The following ZMYM2 variants were observed in gnomAD, a reference collection of about 807,000 sequenced individuals.
ZMYM2 encodes zinc finger MYM-type containing 2.
ZMYM2 carries 56 observed loss-of-function variants against 162.8 expected under a neutral mutation model. The ratio of observed to expected loss-of-function variants is 0.34; its 90% CI spans 0.28 to 0.43. The LOEUF is 0.43. Among genes scored for constraint, ZMYM2 ranks in the 20% least tolerant of loss-of-function variants. The pLI, the probability that ZMYM2 is intolerant of heterozygous loss-of-function variation, is 1.00. For missense variants in ZMYM2, 1,275 were observed against 1,621.8 expected (o/e 0.79, Z 3.67); for synonymous variants, 510 against 541.6 (o/e 0.94, Z 0.81).
At chr13:20,050,104 A>C (rs751864161) in intron 12 of ZMYM2, among the ~76,000 whole-genome samples, 4 of 152,032 alleles carry the variant, frequency 2.6e-5, no homozygotes, top group Non-Finnish European at 4.4e-5. Flanking sequence ...TACTATCAGC[A>C]GTATAAAATT....
At chr13:20,019,835 A>G (rs1231138015) in intron 7 of ZMYM2, 1 of 510,520 alleles carries the variant, frequency 2.0e-6, no homozygotes, top group Admixed American at 3.4e-5. Context: ...ATTTGTCTTT[A>G]GTTATTTATG....
the ZMYM2 span, among the ~76,000 whole-genome samples, chr13:19,884,847 G>A: frequency 3.3e-5 from 5 of 152,058 alleles, no homozygotes; most frequent in Non-Finnish European, 5.9e-5. Context: ...GAAAACCTGA[G>A]CACATCACAA....
chr13:20,033,556 C>T (rs1953396823), intron 10 of ZMYM2, among the ~76,000 whole-genome samples: 1 of 152,194 alleles, frequency 6.6e-6, no homozygotes, highest in Non-Finnish European at 1.5e-5. Context: ...CTTCACATGT[C>T]TTTGCTAACT....
At chr13:19,898,432 A>G in the ZMYM2 span, among the ~76,000 whole-genome samples, 1 of 151,960 alleles carries the variant, frequency 6.6e-6, no homozygotes, top group African/African-American at 2.4e-5. Flanking sequence ...ACGGGGTTTC[A>G]CTGTGTTAGC....
the ZMYM2 span, among the ~76,000 whole-genome samples, chr13:19,934,528 A>T: frequency 6.6e-6 from 1 of 152,172 alleles, no homozygotes; most frequent in African/African-American, 2.4e-5. Context: ...CAAGCTTGTT[A>T]GCATGTCTGT....
At chr13:20,075,301 A>G (rs531241936) in intron 21 of ZMYM2, among the ~76,000 whole-genome samples, 1 of 152,322 alleles carries the variant, frequency 6.6e-6, no homozygotes, top group South Asian at 2.1e-4. Flanking sequence ...TGTAAGGACT[A>G]AGTCTTATGA....
At chr13:19,906,523 CAT>C in the ZMYM2 span, among the ~76,000 whole-genome samples, 1,373 of 91,630 alleles carry the variant, frequency 0.015, 22 homozygotes, top group African/African-American at 0.056. Flanking sequence ...ATATATCACA[CAT>C]ATATATATAT....
At chr13:19,921,909 A>G in the ZMYM2 span, among the ~76,000 whole-genome samples, 36 of 90,998 alleles carry the variant, frequency 4.0e-4, no homozygotes, top group South Asian at 8.4e-3. Flanking sequence ...AGCAGTTACA[A>G]GTATTTTTTT....
chr13:19,973,845 T>A (rs765500607), intron 2 of ZMYM2, among the ~76,000 whole-genome samples: 14 of 151,364 alleles, frequency 9.2e-5, no homozygotes, highest in Non-Finnish European at 1.9e-4. Flanking sequence ...ATTGTGAGAT[T>A]TTTTTTTTGG....
chr13:20,012,457 G>C (rs1165147131), intron 6 of ZMYM2, among the ~76,000 whole-genome samples: 3 of 152,116 alleles, frequency 2.0e-5, no homozygotes, highest in Admixed American at 6.6e-5. Context: ...TGGGATTACA[G>C]GTGTGAGCCA....
At chr13:20,052,390 A>T in intron 14 of ZMYM2, 79 bp downstream of exon 14, 1 of 1,345,848 alleles carries the variant, frequency 7.4e-7, no homozygotes, top group Non-Finnish European at 1.0e-6. Flanking sequence ...ATTTAATGTG[A>T]TCATAATAGT....
At chr13:19,941,222 C>T in the ZMYM2 span, among the ~76,000 whole-genome samples, 1 of 151,478 alleles carries the variant, frequency 6.6e-6, no homozygotes, top group Non-Finnish European at 1.5e-5. Flanking sequence ...AGTAGAGAAT[C>T]GCTTCAACCC....
At chr13:20,071,374 C>T (rs535480623) in intron 21 of ZMYM2, among the ~76,000 whole-genome samples, 6 of 152,272 alleles carry the variant, frequency 3.9e-5, no homozygotes, top group Non-Finnish European at 7.3e-5. Flanking sequence ...AACGAAGCAG[C>T]GAAAGCAGAA....
At chr13:19,945,951 GAAAAAAAAAAA>G in the ZMYM2 span, among the ~76,000 whole-genome samples, 4 of 89,572 alleles carry the variant, frequency 4.5e-5, no homozygotes, top group Non-Finnish European at 2.0e-5. Context: ...CTCCGTCTCA[GAAAAAAAAAAA>G]AAAAAAAAAA....
chr13:19,890,522 A>AAAAAAAAAAAAAAAAAAAAAAAAAAAAT, the ZMYM2 span, among the ~76,000 whole-genome samples: 1 of 148,230 alleles, frequency 6.7e-6, no homozygotes, highest in African/African-American at 2.5e-5. Context: ...AAAAAAAAAA[A>AAAAAAAAAAAAAAAAAAAAAAAAAAAAT]GTTGGGAAAA....
chr13:19,988,554 C>T (rs555550288), intron 2 of ZMYM2, among the ~76,000 whole-genome samples: 12 of 152,140 alleles, frequency 7.9e-5, no homozygotes, highest in South Asian at 4.2e-4. Flanking sequence ...GAGGCTGAGG[C>T]GGGTGGATCA....
chr13:20,027,825 A>G (rs1165280968), intron 9 of ZMYM2, among the ~76,000 whole-genome samples: 1 of 152,164 alleles, frequency 6.6e-6, no homozygotes. Context: ...ACTTGCTAAC[A>G]TAGTTTTTCA....
intron 21 of ZMYM2, among the ~76,000 whole-genome samples, chr13:20,077,689 G>A (rs1356632992): frequency 6.6e-6 from 1 of 152,142 alleles, no homozygotes; most frequent in African/African-American, 2.4e-5. Context: ...TACTTAGCCT[G>A]GCTGGAATGT....
chr13:20,028,729 A>G (rs1952802845), intron 9 of ZMYM2, among the ~76,000 whole-genome samples: 1 of 152,172 alleles, frequency 6.6e-6, no homozygotes, highest in African/African-American at 2.4e-5. Context: ...AATGCTATGT[A>G]AAGAGTTGTT....
Sources: allele counts gnomAD v4.1 joint callset (sites outside exome capture counted in the v4.1 genomes callset), GRCh38; gene constraint gnomAD v4.1.1; transcripts MANE v1.5; gene names NCBI Gene and HGNC (gene_info 2026-07-23, HGNC 2026-07-21).